The following TMEM117 variants were observed in gnomAD, a reference collection of about 807,000 sequenced individuals.
TMEM117 encodes the protein transmembrane protein 117.
Under a neutral mutation model 52.4 loss-of-function variants are expected in TMEM117, and 27 were observed. The ratio of observed to expected loss-of-function variants is 0.51; its 90% CI spans 0.38 to 0.71. The LOEUF is 0.71. TMEM117 is among the 30% of genes least tolerant of loss of function. The pLI, the probability that TMEM117 is intolerant of heterozygous loss-of-function variation, is 0.00. For missense variants in TMEM117, 556 were observed against 630.5 expected, an observed-to-expected ratio of 0.88 and a Z score of 1.26; for synonymous variants, 215 against 206.3, an observed-to-expected ratio of 1.04 and a Z score of -0.36.
intron 3 of TMEM117, among the ~76,000 whole-genome samples, chr12:44,122,293 C>T (rs952891404): frequency 6.6e-6 from 1 of 152,118 alleles, no homozygotes; most frequent in African/African-American, 2.4e-5. Context: ...ATCTGCCTGC[C>T]TCGGCCTCCC....
intron 5 of TMEM117, among the ~76,000 whole-genome samples, chr12:44,296,937 C>G (rs1192803998): frequency 6.6e-6 from 1 of 152,172 alleles, no homozygotes; most frequent in Non-Finnish European, 1.5e-5. Context: ...GACCACTGTT[C>G]ATAAGCCTGG....
the TMEM117 span, among the ~76,000 whole-genome samples, chr12:44,396,932 TGA>T: frequency 1.3e-5 from 2 of 152,062 alleles, no homozygotes; most frequent in Non-Finnish European, 2.9e-5. Context: ...ATCCTCTCCA[TGA>T]TAGAGGACTC....
At chr12:44,008,317 G>A (rs1946234252) in intron 3 of TMEM117, among the ~76,000 whole-genome samples, 1 of 152,160 alleles carries the variant, frequency 6.6e-6, no homozygotes, top group East Asian at 1.9e-4. Context: ...CCTGATACTG[G>A]AAGAATTTAG....
chr12:44,211,317 C>T lies in TMEM117; in HGVS notation c.538C>T (p.Pro180Ser). 1 of 1,612,136 alleles carries T rather than the reference C, an allele frequency of 6.2e-7. No homozygotes were observed. Among genetic ancestry groups the T allele is most frequent in the Non-Finnish European group, 8.5e-7 (1 of 1,178,942 alleles). The change falls in exon 5 of 8, where the codon CCC (proline) becomes TCC (serine). Residue 180 changes from proline (P) to serine (S), a missense_variant. This residue lies in a region of TMEM117 where 328 missense variants were observed against 371.4 expected (regional missense o/e 0.88). Transcript: ENST00000266534. ...MVTDMMLQDKPYPDWGKSARA... is the reference protein window; with the variant it reads ...MVTDMMLQDKSYPDWGKSARA... ...CACTGATATGATGCTTCAGGACAAA[C>T]CCTATCCTGACTGGGGAAAATCAGC...
At chr12:43,804,731 CTG>C in the TMEM117 span, among the ~76,000 whole-genome samples, 1 of 152,134 alleles carries the variant, frequency 6.6e-6, no homozygotes, top group Non-Finnish European at 1.5e-5. Context: ...ATAACGAAGA[CTG>C]TATACAATTA....
At chr12:44,315,598 C>T (rs1159382680) in intron 6 of TMEM117, among the ~76,000 whole-genome samples, 1 of 152,106 alleles carries the variant, frequency 6.6e-6, no homozygotes, top group Non-Finnish European at 1.5e-5. Flanking sequence ...TTGTATTCCA[C>T]TGTGGTCAGA....
chr12:43,974,989 A>T, intron 3 of TMEM117, among the ~76,000 whole-genome samples: 1 of 152,278 alleles, frequency 6.6e-6, no homozygotes, highest in South Asian at 2.1e-4. Context: ...TATCACAATC[A>T]AAATGCCATT....
the TMEM117 span, chr12:43,799,464 C>T: frequency 1.2e-5 from 20 of 1,609,710 alleles, no homozygotes; most frequent in Non-Finnish European, 1.7e-5. Context: ...AAGATTGTGA[C>T]AGCAAGTATT....
intron 3 of TMEM117, among the ~76,000 whole-genome samples, chr12:44,066,537 T>C (rs1167365980): frequency 6.6e-6 from 1 of 152,166 alleles, no homozygotes; most frequent in African/African-American, 2.4e-5. Flanking sequence ...ATAAAGCGAG[T>C]CACATGAATT....
chr12:44,271,755 C>T (rs940015938), intron 5 of TMEM117, among the ~76,000 whole-genome samples: 12 of 151,864 alleles, frequency 7.9e-5, no homozygotes, highest in Admixed American at 3.9e-4. Flanking sequence ...TTACATCGAG[C>T]TAAAAAATCT....
downstream of TMEM117, among the ~76,000 whole-genome samples, chr12:44,394,669 T>G (rs1419747490): frequency 6.6e-6 from 1 of 152,222 alleles, no homozygotes; most frequent in Non-Finnish European, 1.5e-5. Flanking sequence ...CTAGCTTCTC[T>G]TATCAGGACA....
At chr12:44,233,742 G>A (rs894837826) in intron 5 of TMEM117, among the ~76,000 whole-genome samples, 1 of 150,996 alleles carries the variant, frequency 6.6e-6, no homozygotes, top group South Asian at 2.1e-4. Flanking sequence ...ATATTATATT[G>A]CCAAATTTTA....
intron 2 of TMEM117, among the ~76,000 whole-genome samples, chr12:43,849,630 C>CA (rs1943271021): frequency 6.7e-6 from 1 of 148,814 alleles, no homozygotes; most frequent in Non-Finnish European, 1.5e-5. Flanking sequence ...TTCTCTCTCT[C>CA]TTTTTTTTTT....
chr12:43,845,242 C>T (rs774492175), intron 2 of TMEM117, among the ~76,000 whole-genome samples: 9 of 152,038 alleles, frequency 5.9e-5, no homozygotes, highest in Non-Finnish European at 1.0e-4. Flanking sequence ...GGGCAGATCA[C>T]TTGAGGTCAG....
At chr12:43,913,886 C>G (rs1327820166) in intron 2 of TMEM117, among the ~76,000 whole-genome samples, 1 of 151,914 alleles carries the variant, frequency 6.6e-6, no homozygotes, top group Non-Finnish European at 1.5e-5. Context: ...TACACGTGAC[C>G]AAATATTAAC....
intron 3 of TMEM117, chr12:44,009,024 T>C: frequency 2.6e-6 from 1 of 377,520 alleles, no homozygotes; most frequent in Non-Finnish European, 5.2e-6. Flanking sequence ...AGATCAGAGC[T>C]AACTGAAGCT....
intron 3 of TMEM117, among the ~76,000 whole-genome samples, chr12:44,102,292 A>G (rs922956179): frequency 6.6e-6 from 1 of 152,168 alleles, no homozygotes; most frequent in South Asian, 2.1e-4. Context: ...AGAATAGTTT[A>G]TTCATTAAAC....
the TMEM117 span, chr12:43,802,202 T>C: frequency 1.1e-6 from 1 of 904,608 alleles, no homozygotes; most frequent in Admixed American, 3.1e-5. Context: ...ATAATTATTG[T>C]TTTTTAACCT....
rs550663425 is a variant in TMEM117, at chr12:44,116,229, G to A, written c.411-27296G>A. 2.8e-4 allele frequency among the ~76,000 whole-genome samples: 43 copies of A among 151,836 alleles called. 1 individual carries two copies. The highest frequency in any genetic ancestry group is 2.6e-3 in the Admixed American group (40 of 15,248). Reference sequence around the variant, plus strand: ...GTTTTCTTGTATTCTTTGTTATATCGCTTTACAATACTCTTCGAATGTGTT... The same window carrying A: ...GTTTTCTTGTATTCTTTGTTATATCACTTTACAATACTCTTCGAATGTGTT... On this transcript the variant is annotated intron_variant, in intron 3 of 7. Coordinates refer to ENST00000266534, the MANE Select transcript of TMEM117 (RefSeq NM_032256.3).
Sources: allele counts gnomAD v4.1 joint callset (sites outside exome capture counted in the v4.1 genomes callset), GRCh38; gene constraint gnomAD v4.1.1; regional missense constraint gnomAD v4.1.1; transcripts MANE v1.5; gene names NCBI Gene and HGNC (gene_info 2026-07-23, HGNC 2026-07-21).